Variants in MEF2C observed in about 807,000 individuals in gnomAD.
MEF2C encodes myocyte-specific enhancer factor 2C.
A neutral mutation model predicts 50.5 loss-of-function variants in MEF2C; 6 were observed. The observed-to-expected ratio is 0.12, with a 90% CI of 0.07 to 0.23. The LOEUF is 0.23. Among genes scored for constraint, MEF2C ranks in the 10% least tolerant of loss-of-function variants. The pLI is 1.00. For missense variants in MEF2C, 276 were observed against 605.0 expected (o/e 0.46, Z 5.70); for synonymous variants, 183 against 228.0 (o/e 0.80, Z 1.78).
chr5:88,799,913 CAGAG>C (rs60801087), intron 3 of MEF2C, among the ~76,000 whole-genome samples: 3,427 of 63,308 alleles, frequency 0.054, 59 homozygotes, highest in East Asian at 0.072. Context: ...CACACACACA[CAGAG>C]AGAGAGACAC....
chr5:88,821,876 G>T (rs1003307747), intron 2 of MEF2C, among the ~76,000 whole-genome samples: 1 of 151,702 alleles, frequency 6.6e-6, no homozygotes, highest in Non-Finnish European at 1.5e-5. Context: ...CAGTTAACAA[G>T]AATTTATCAT....
intron 10 of MEF2C, among the ~76,000 whole-genome samples, chr5:88,726,668 G>T (rs1411124104): frequency 6.6e-6 from 1 of 152,114 alleles, no homozygotes; most frequent in Non-Finnish European, 1.5e-5. Context: ...GTGTTGAAAG[G>T]AACCGGGAGC....
chr5:88,819,312 C>T (rs980102972), intron 2 of MEF2C: 13 of 981,210 alleles, frequency 1.3e-5, no homozygotes, highest in South Asian at 9.4e-5. Flanking sequence ...ATGAGAGATC[C>T]GGGCTCAGAT....
chr5:88,849,524 A>G (rs1238525841), intron 1 of MEF2C, among the ~76,000 whole-genome samples: 2 of 152,234 alleles, frequency 1.3e-5, no homozygotes, highest in African/African-American at 2.4e-5. Flanking sequence ...GAACATATTT[A>G]TTCTATTTAA....
chr5:88,840,548 T>G (rs1436318418), intron 1 of MEF2C, among the ~76,000 whole-genome samples: 1 of 152,206 alleles, frequency 6.6e-6, no homozygotes, highest in Non-Finnish European at 1.5e-5. Context: ...AATGTTTACC[T>G]TTTCACTTAT....
At position 88,734,561 on chromosome 5, in the gene MEF2C, G is replaced by GT. The variant is rs1554103551; in HGVS notation, c.638-2661dup. ...ATGCTTCACGGAGGCCTTGAGAAAA[G>GT]TTTGTTTTTTTTTTTTTTTTTTTTT... On this transcript the variant is annotated intron_variant, in intron 6 of 10. Coordinates refer to ENST00000504921, the MANE Select transcript of MEF2C (RefSeq NM_002397.5). 221 of 254,284 alleles carry GT rather than the reference G, an allele frequency of 8.7e-4. 7 individuals are homozygous for GT. The African/African-American group carries it at 9.1e-3, about 10-fold the overall frequency. The allele number at this position is 254,284 out of a possible 1,614,324, so 15.8% of individuals were successfully genotyped here. A position where few individuals can be genotyped will look rare whatever the true frequency, so the allele number is the denominator to read the frequency against.
rs117809234 is a variant in MEF2C at position 88,898,271 on chromosome 5, T to C, written c.-240+5645A>G. On this transcript the variant is annotated intron_variant, in intron 1 of 11. Coordinates refer to the MEF2C transcript ENST00000340208. ...TGAAATTAGAAAACCAGTTAAGCAATATGGAAACCTAATTATCTCAAATTT... is the reference window on the plus strand; with the variant it reads ...TGAAATTAGAAAACCAGTTAAGCAACATGGAAACCTAATTATCTCAAATTT... Among the ~76,000 whole-genome samples the C allele has an allele frequency of 2.5e-4, 38 of 152,268 alleles. 1 individual carries two copies. The East Asian group carries it at 7.3e-3, about 29-fold the overall frequency.
chr5:88,869,296 CACATAT>C (rs1484288822), intron 1 of MEF2C, among the ~76,000 whole-genome samples: 22 of 104,868 alleles, frequency 2.1e-4, no homozygotes, highest in African/African-American at 7.9e-4. Flanking sequence ...TATATATATA[CACATAT>C]ATATATATAT....
chr5:88,729,419 G>C (rs922006112), intron 8 of MEF2C, 72 bp from the exon 9 acceptor site: 4 of 1,323,218 alleles, frequency 3.0e-6, no homozygotes, highest in Admixed American at 2.0e-5. Context: ...TTCAGTATTA[G>C]TTTTCCACAT....
At chr5:88,864,767 A>AT (rs397881979) in intron 1 of MEF2C, among the ~76,000 whole-genome samples, 706 of 139,032 alleles carry the variant, frequency 5.1e-3, no homozygotes, top group African/African-American at 6.0e-3. Flanking sequence ...GTTTTTTCAA[A>AT]TTTTTTTTTT....
chr5:88,893,978 A>G (rs996019591), intron 1 of MEF2C, among the ~76,000 whole-genome samples: 7 of 152,206 alleles, frequency 4.6e-5, no homozygotes, highest in African/African-American at 1.7e-4. Context: ...CTTTTAAATC[A>G]GTAATGTTCT....
intron 6 of MEF2C, chr5:88,735,088 A>G (rs1763539852): frequency 1.0e-6 from 1 of 985,264 alleles, no homozygotes; most frequent in Admixed American, 6.2e-5. Context: ...TGTGGATCCT[A>G]AACCAGTGAT....
chr5:88,892,543 G>T (rs537868641), intron 1 of MEF2C, among the ~76,000 whole-genome samples: 2 of 152,146 alleles, frequency 1.3e-5, no homozygotes, highest in Non-Finnish European at 2.9e-5. Context: ...TAGGTCATCC[G>T]AGAGGTGGGA....
chr5:88,837,609 G>T (rs1490395139), intron 1 of MEF2C, among the ~76,000 whole-genome samples: 1 of 151,968 alleles, frequency 6.6e-6, no homozygotes, highest in East Asian at 1.9e-4. Flanking sequence ...TTCCTAAATG[G>T]TATGCATTCA....
intron 1 of MEF2C, among the ~76,000 whole-genome samples, chr5:88,845,461 C>A (rs983438629): frequency 2.0e-5 from 3 of 152,122 alleles, no homozygotes; most frequent in Non-Finnish European, 4.4e-5. Context: ...TTTTTGTAGT[C>A]ATTTCAGTAT....
intron 1 of MEF2C, among the ~76,000 whole-genome samples, chr5:88,903,007 A>G (rs2150350613): frequency 1.3e-5 from 2 of 152,098 alleles, no homozygotes; most frequent in South Asian, 4.1e-4. Context: ...AACAATTTGT[A>G]GAGAAATGCT....
chr5:88,751,226 T>C, intron 5 of MEF2C: 1 of 985,078 alleles, frequency 1.0e-6, no homozygotes, highest in Non-Finnish European at 1.2e-6. Flanking sequence ...AATTTATTTT[T>C]CTCTTGGACA....
intron 1 of MEF2C, among the ~76,000 whole-genome samples, chr5:88,868,985 T>C (rs531905851): frequency 6.6e-6 from 1 of 151,996 alleles, no homozygotes; most frequent in South Asian, 2.1e-4. Context: ...GATTCCTTTT[T>C]CTTTACGAAT....
At chr5:88,822,397 C>A (rs1808812096) in intron 2 of MEF2C, among the ~76,000 whole-genome samples, 1 of 151,900 alleles carries the variant, frequency 6.6e-6, no homozygotes, top group African/African-American at 2.4e-5. Flanking sequence ...TTGGCTTGAT[C>A]CACAGCAAGA....
Sources: allele counts gnomAD v4.1 joint callset (sites outside exome capture counted in the v4.1 genomes callset), GRCh38; gene constraint gnomAD v4.1.1; transcripts MANE v1.5; gene names NCBI Gene and HGNC (gene_info 2026-07-23, HGNC 2026-07-21).